AFTPH: variants seen among roughly 807,000 people sequenced by gnomAD.
AFTPH encodes the protein aftiphilin protein.
AFTPH carries 7 observed loss-of-function variants against 72.5 expected under a neutral mutation model. That is an observed-to-expected ratio of 0.10 (90% confidence interval 0.05 to 0.18). AFTPH has a LOEUF of 0.18. Ranked by LOEUF, AFTPH falls within the 10% of genes least tolerant of loss-of-function variation. The pLI, the probability that AFTPH is intolerant of heterozygous loss-of-function variation, is 1.00. For synonymous variants in AFTPH, 337 were observed against 370.1 expected, an observed-to-expected ratio of 0.91 and a Z score of 1.03; for missense variants, 979 against 1,060.5, an observed-to-expected ratio of 0.92 and a Z score of 1.07.
chr2:64,526,106 T>C (rs1490437904), intron 1 of AFTPH, among the ~76,000 whole-genome samples: 1 of 152,226 alleles, frequency 6.6e-6, no homozygotes, highest in Non-Finnish European at 1.5e-5. Flanking sequence ...TCTTTTGACC[T>C]AGAGACTGTT....
chr2:64,586,013 T>G lies in AFTPH; in HGVS notation c.2579+468T>G, dbSNP rs1325137853. ...ACCTCTGATTTGGGAGGTAAAGCCTTACTTTACCAGGCTTTCTAGAAGCCC... is the reference window on the plus strand; with the variant it reads ...ACCTCTGATTTGGGAGGTAAAGCCTGACTTTACCAGGCTTTCTAGAAGCCC... On this transcript the variant is annotated intron_variant, in intron 8 of 8. Transcript: ENST00000238856. Among the ~76,000 whole-genome samples the G allele has an allele frequency of 2.6e-5, 4 of 152,306 alleles. No individual in the cohort carries two copies. The South Asian group carries it at 6.2e-4, about 24-fold the overall frequency.
chr2:64,534,387 T>C (rs1049966095), intron 1 of AFTPH, among the ~76,000 whole-genome samples: 5 of 152,216 alleles, frequency 3.3e-5, no homozygotes, highest in African/African-American at 9.6e-5. Context: ...AAAAAATTAC[T>C]AAGAGTTTCA....
intron 1 of AFTPH, among the ~76,000 whole-genome samples, chr2:64,538,107 G>A (rs182188499): frequency 1.4e-4 from 22 of 152,068 alleles, no homozygotes; most frequent in African/African-American, 4.8e-4. Flanking sequence ...ACTGTTTGGC[G>A]AAACTTTTTT....
intron 1 of AFTPH, among the ~76,000 whole-genome samples, chr2:64,533,734 G>T (rs1669750532): frequency 6.6e-6 from 1 of 151,944 alleles, no homozygotes; most frequent in African/African-American, 2.4e-5. Flanking sequence ...GCCAGTTAGG[G>T]TGGAAGTGAA....
At chr2:64,579,125 C>T (rs1673007472) in intron 6 of AFTPH, 1 of 169,564 alleles carries the variant, frequency 5.9e-6, no homozygotes, top group South Asian at 2.0e-4. Flanking sequence ...GACTTTGAAT[C>T]TTCTTGTTTT....
intron 2 of AFTPH, among the ~76,000 whole-genome samples, chr2:64,554,280 T>C (rs1271483911): frequency 1.3e-5 from 2 of 152,206 alleles, no homozygotes; most frequent in African/African-American, 2.4e-5. Flanking sequence ...TAGCTTGATA[T>C]CTAGGTTGTT....
intron 6 of AFTPH, among the ~76,000 whole-genome samples, chr2:64,577,157 C>CAT (rs1244621222): frequency 1.3e-5 from 2 of 152,134 alleles, no homozygotes; most frequent in Non-Finnish European, 2.9e-5. Context: ...CTCCTGTCTC[C>CAT]ATGTTTTTGT....
In AFTPH at chr2:64,548,620, T is replaced by C. The variant is rs544337966; in HGVS notation, c.-32-2823T>C. 5.9e-5 allele frequency among the ~76,000 whole-genome samples: 9 copies of C among 152,218 alleles called. No homozygotes were observed. In the South Asian group the frequency reaches 1.9e-3, roughly 32 times the overall value. ...AATTTACACTCACAAGCAATGTGCA[T>C]GTGTGCAAGGGTTCCTTTCCCCACA... On this transcript the variant is annotated intron_variant, in intron 1 of 8. Transcript: ENST00000238856.
chr2:64,564,529 G>A (rs533303809), intron 2 of AFTPH, among the ~76,000 whole-genome samples: 9 of 152,072 alleles, frequency 5.9e-5, no homozygotes, highest in East Asian at 1.9e-4. Context: ...CAGCAGAATC[G>A]CTTGAACCTG....
chr2:64,560,251 C>T (rs558471871), intron 2 of AFTPH, among the ~76,000 whole-genome samples: 3 of 151,958 alleles, frequency 2.0e-5, no homozygotes, highest in Non-Finnish European at 2.9e-5. Context: ...TCCACTACCC[C>T]GAGACATAAA....
chr2:64,569,522 CAATATATGT>C, intron 4 of AFTPH, 92 bp from the exon 5 acceptor site: 1 of 1,319,148 alleles, frequency 7.6e-7, no homozygotes, highest in Non-Finnish European at 1.1e-6. Context: ...TTATCATTCC[CAATATATGT>C]AATAACACAT....
intron 3 of AFTPH, among the ~76,000 whole-genome samples, chr2:64,568,754 C>T (rs1672242900): frequency 6.6e-6 from 1 of 152,170 alleles, no homozygotes; most frequent in South Asian, 2.1e-4. Context: ...GGATTACAGG[C>T]ACCCAGCACC....
intron 2 of AFTPH, among the ~76,000 whole-genome samples, chr2:64,567,357 C>T (rs771635307): frequency 5.9e-5 from 9 of 152,112 alleles, no homozygotes; most frequent in Non-Finnish European, 8.8e-5. Flanking sequence ...TTGCCAGCTA[C>T]GTAGCTCATC....
exon 3 of AFTPH, chr2:64,567,703 C>G (rs200831274): frequency 1.6e-5 from 26 of 1,611,184 alleles, no homozygotes; most frequent in Non-Finnish European, 2.2e-5. Flanking sequence ...AGAGGCCTTA[C>G]CTGAAAGTGG....
At chr2:64,537,974 T>C (rs1669982055) in intron 1 of AFTPH, among the ~76,000 whole-genome samples, 1 of 152,206 alleles carries the variant, frequency 6.6e-6, no homozygotes, top group South Asian at 2.1e-4. Flanking sequence ...AAGAATACTT[T>C]TTTATACTTT....
chr2:64,588,024 G>A (rs1389995564), intron 8 of AFTPH, among the ~76,000 whole-genome samples: 2 of 152,080 alleles, frequency 1.3e-5, no homozygotes. Flanking sequence ...ATATTCACAA[G>A]GTTGTGCAAC....
exon 2 of AFTPH, chr2:64,553,342 T>A: frequency 6.2e-7 from 1 of 1,612,160 alleles, no homozygotes; most frequent in East Asian, 2.2e-5. Flanking sequence ...ACGCACAGTG[T>A]ACCTTCAGCA....
chr2:64,587,807 ATAGTTCCATCTTCTTGC>A (rs1227170692), intron 8 of AFTPH, among the ~76,000 whole-genome samples: 47 of 152,360 alleles, frequency 3.1e-4, no homozygotes, highest in African/African-American at 1.1e-3. Context: ...TAGTTTTAAA[ATAGTTCCATCTTCTTGC>A]CTAACTTTCC....
chr2:64,537,046 T>A (rs1408223497), intron 1 of AFTPH, among the ~76,000 whole-genome samples: 1 of 152,126 alleles, frequency 6.6e-6, no homozygotes, highest in African/African-American at 2.4e-5. Flanking sequence ...TTTGCCCTAT[T>A]AGTAATATAG....
Sources: gnomAD v4.1 joint callset for allele counts (sites outside exome capture counted in the v4.1 genomes callset) on GRCh38, gnomAD v4.1.1 for gene constraint, MANE v1.5 for transcripts, NCBI Gene and HGNC (gene_info 2026-07-23, HGNC 2026-07-21) for gene names.